TMEM248: variants seen among roughly 807,000 people sequenced by gnomAD.
TMEM248 encodes the protein transmembrane protein 248.
Under a neutral mutation model 30.3 loss-of-function variants are expected in TMEM248, and 9 were observed. The observed-to-expected ratio is 0.30, with a 90% confidence interval of 0.18 to 0.52. The LOEUF (loss-of-function observed/expected upper bound fraction) is 0.52. Ranked by LOEUF, TMEM248 falls within the 20% of genes least tolerant of loss-of-function variation. The pLI is 0.97. For missense variants in TMEM248, 338 were observed against 403.3 expected, an observed-to-expected ratio of 0.84 and a Z score of 1.39; for synonymous variants, 184 against 154.4, an observed-to-expected ratio of 1.19 and a Z score of -1.42.
intron 1 of TMEM248, among the ~76,000 whole-genome samples, chr7:66,936,591 CTCT>C (rs144482915): frequency 0.029 from 4,398 of 152,144 alleles, 88 homozygotes; most frequent in Non-Finnish European, 0.044. Context: ...GAGGTACTCC[CTCT>C]TCTTCTGCTT....
In TMEM248 at chr7:66,957,527, T is replaced by G. The variant is rs1792432626; in HGVS notation, c.*2005T>G. The G allele has an allele frequency of 1.3e-5, 2 of 152,324 alleles. No individual in the cohort carries two copies. The highest frequency in any genetic ancestry group is 3.4e-3 in the Middle Eastern group (1 of 294). The allele number at this position is 152,324 out of a possible 1,614,324, so 9.4% of individuals were successfully genotyped here. ...CTTTGAGACCCTTAAGAGACAAGAT[T>G]GAGAAAGAGCCATGTGGCTTGGCTC... is the stretch of plus-strand genomic sequence containing the variant. On this transcript the variant is annotated 3_prime_UTR_variant, in exon 7 of 7. Transcript: ENST00000341567.
chr7:66,948,582 C>A lies in TMEM248; in HGVS notation c.484C>A (p.Leu162Met). 1 of 1,614,068 alleles carries A rather than the reference C, an allele frequency of 6.2e-7. No individual in the cohort carries two copies. The highest frequency in any genetic ancestry group is 8.5e-7 in the Non-Finnish European group (1 of 1,179,966). ...CGAGGAGATAAACATCACCTTCACC[C>A]TGCCTACAGCGTGGAGCTCAGATGA... is the stretch of plus-strand genomic sequence containing the variant. ...AHEEINITFT[L>M]PTAWSSDDCA... The change falls in exon 4 of 7, where the codon CTG becomes ATG. Residue 162 changes from leucine (L) to methionine (M), a missense_variant. Physicochemically the swap from Leu to Met is conservative, Grantham distance 15. Transcript: ENST00000341567.
At chr7:66,939,835 A>G (rs1791902557) in intron 1 of TMEM248, among the ~76,000 whole-genome samples, 1 of 152,184 alleles carries the variant, frequency 6.6e-6, no homozygotes, top group Non-Finnish European at 1.5e-5. Flanking sequence ...GACAAACAGT[A>G]AACAAGTAGG....
chr7:66,939,616 A>T (rs1791893976), intron 1 of TMEM248, among the ~76,000 whole-genome samples: 1 of 152,254 alleles, frequency 6.6e-6, no homozygotes, highest in Admixed American at 6.5e-5. Flanking sequence ...TCTAGGGGCC[A>T]GGGGCCAGGG....
rs111830849 is a variant in TMEM248, at chr7:66,952,760, G to T, written c.781-466G>T. Among the ~76,000 whole-genome samples the T allele has an allele frequency of 1.2e-3, 181 of 152,328 alleles. 1 individual carries two copies. The highest frequency in any genetic ancestry group is 4.2e-3 in the African/African-American group (173 of 41,570). On this transcript the variant is annotated intron_variant, in intron 5 of 6. Coordinates refer to ENST00000341567, the MANE Select transcript of TMEM248 (RefSeq NM_017994.5). ...TAGAGAAAAGCAGGAGGAAGGGCGTGACCCCTGGGGAGGGGTGAGGTGCCG... is the reference window on the plus strand; with the variant it reads ...TAGAGAAAAGCAGGAGGAAGGGCGTTACCCCTGGGGAGGGGTGAGGTGCCG...
intron 1 of TMEM248, among the ~76,000 whole-genome samples, chr7:66,927,345 C>T (rs1213519869): frequency 6.6e-6 from 1 of 152,118 alleles, no homozygotes; most frequent in Non-Finnish European, 1.5e-5. Context: ...AGCCTACATT[C>T]CTTTCCTTTT....
chr7:66,940,388 G>T (rs1791916469), intron 1 of TMEM248, among the ~76,000 whole-genome samples: 1 of 152,158 alleles, frequency 6.6e-6, no homozygotes, highest in African/African-American at 2.4e-5. Context: ...CTTAATAAAA[G>T]AAGTGCAAAC....
Position 66,931,217 on chromosome 7 carries a change from C to T in TMEM248, c.-19+9756C>T, listed in dbSNP as rs200424786. ...ATTTGGGAGGCTGAGGTAGGAGAAT[C>T]GCTTGAACCTGGGAGGCAGAGGTTG... is the stretch of plus-strand genomic sequence containing the variant. On this transcript the variant is annotated intron_variant, in intron 1 of 6. Transcript: ENST00000341567. Among the ~76,000 whole-genome samples, 231 of 147,816 alleles carry T rather than the reference C, an allele frequency of 1.6e-3. 1 individual carries two copies. Among genetic ancestry groups the T allele is most frequent in the East Asian group, 2.4e-3 (12 of 4,918 alleles).
At chr7:66,936,216 G>A (rs1204681878) in intron 1 of TMEM248, among the ~76,000 whole-genome samples, 1 of 152,152 alleles carries the variant, frequency 6.6e-6, no homozygotes, top group African/African-American at 2.4e-5. Flanking sequence ...CTTTCATTGT[G>A]TGAGGTATGA....
intron 3 of TMEM248, among the ~76,000 whole-genome samples, chr7:66,945,711 G>T (rs1016478872): frequency 6.6e-6 from 1 of 152,204 alleles, no homozygotes; most frequent in African/African-American, 2.4e-5. Flanking sequence ...AGCACTTTGG[G>T]AGGCCGAGGT....
At chr7:66,923,345 G>A (rs777536668) in intron 1 of TMEM248, among the ~76,000 whole-genome samples, 4 of 151,320 alleles carry the variant, frequency 2.6e-5, no homozygotes, top group Non-Finnish European at 5.9e-5. Context: ...GAGGTTTCAT[G>A]TTGTTGGCCA....
chr7:66,926,467 A>G (rs1421886748), intron 1 of TMEM248, among the ~76,000 whole-genome samples: 1 of 152,140 alleles, frequency 6.6e-6, no homozygotes, highest in African/African-American at 2.4e-5. Flanking sequence ...TAAAAGTACA[A>G]GAATTAGCTG....
chr7:66,940,162 C>T (rs936589636), intron 1 of TMEM248, among the ~76,000 whole-genome samples: 9 of 152,090 alleles, frequency 5.9e-5, no homozygotes, highest in Admixed American at 2.6e-4. Flanking sequence ...CCATGTTGGC[C>T]AGGCTGGTCT....
chr7:66,925,257 G>A (rs964050584), intron 1 of TMEM248, among the ~76,000 whole-genome samples: 2 of 152,148 alleles, frequency 1.3e-5, no homozygotes, highest in Non-Finnish European at 2.9e-5. Context: ...CTGGGCACAA[G>A]TGATCCTCCC....
chr7:66,953,104 G>C, intron 5 of TMEM248, 122 bp from the exon 6 acceptor site: 11 of 1,122,544 alleles, frequency 9.8e-6, no homozygotes, highest in Non-Finnish European at 1.4e-5. Flanking sequence ...TCCTCTTGCA[G>C]CTTAAGAAGA....
intron 2 of TMEM248, among the ~76,000 whole-genome samples, chr7:66,944,103 CT>C (rs397891070): frequency 0.14 from 15,447 of 112,280 alleles, 709 homozygotes; most frequent in South Asian, 0.22. Context: ...CCTCAGATGG[CT>C]TTTTTTTTTT....
intron 1 of TMEM248, among the ~76,000 whole-genome samples, chr7:66,931,345 G>A (rs1791660858): frequency 7.1e-6 from 1 of 141,526 alleles, no homozygotes; most frequent in African/African-American, 2.6e-5. Flanking sequence ...CTACAATAAA[G>A]TTAGTTTAAA....
intron 1 of TMEM248, among the ~76,000 whole-genome samples, chr7:66,926,280 A>G (rs1251958632): frequency 1.3e-5 from 2 of 152,218 alleles, no homozygotes; most frequent in Non-Finnish European, 2.9e-5. Context: ...TCCAAAATAT[A>G]TACAAAGCTC....
chr7:66,933,112 G>T (rs549923963), intron 1 of TMEM248, among the ~76,000 whole-genome samples: 1 of 151,940 alleles, frequency 6.6e-6, no homozygotes, highest in East Asian at 1.9e-4. Context: ...CGCCTGCTTC[G>T]ACCTCCCAAA....
Sources: allele counts gnomAD v4.1 joint callset (sites outside exome capture counted in the v4.1 genomes callset), GRCh38; gene constraint gnomAD v4.1.1; transcripts MANE v1.5; gene names NCBI Gene and HGNC (gene_info 2026-07-23, HGNC 2026-07-21).